Variants in FOLR3 observed in about 807,000 individuals in gnomAD.
FOLR3 encodes folate receptor gamma.
In FOLR3, 9 loss-of-function variants were observed where a neutral mutation model predicts 20.0. The observed-to-expected ratio is 0.45, with a 90% CI of 0.27 to 0.79. FOLR3 has a LOEUF of 0.79. Among genes scored for constraint, FOLR3 ranks in the 30% least tolerant of loss-of-function variants. The pLI is 0.15. For synonymous variants in FOLR3, 124 were observed against 115.5 expected, an observed-to-expected ratio of 1.07 and a Z score of -0.47; for missense variants, 309 against 323.5, an observed-to-expected ratio of 0.96 and a Z score of 0.34.
intron 2 of FOLR3, among the ~76,000 whole-genome samples, chr11:72,136,455 G>A (rs1258679691): frequency 6.6e-6 from 1 of 151,958 alleles, no homozygotes; most frequent in African/African-American, 2.4e-5. Context: ...AGACAGGACA[G>A]CCTGGAAGCC....
chr11:72,138,460 A>T (rs1395147855), intron 2 of FOLR3, among the ~76,000 whole-genome samples: 4 of 152,164 alleles, frequency 2.6e-5, no homozygotes, highest in Non-Finnish European at 4.4e-5. Context: ...GCTCTCCCTC[A>T]TCTCCTATAT....
At chr11:72,136,587 G>A (rs1233832013) in intron 2 of FOLR3, among the ~76,000 whole-genome samples, 2 of 151,692 alleles carry the variant, frequency 1.3e-5, no homozygotes, top group Non-Finnish European at 2.9e-5. Flanking sequence ...ACGGTTCAGT[G>A]GCATTAGGTA....
chr11:72,136,874 G>A (rs551640180), intron 2 of FOLR3, among the ~76,000 whole-genome samples: 1 of 152,298 alleles, frequency 6.6e-6, no homozygotes, highest in Middle Eastern at 3.4e-3. Flanking sequence ...TCTTTTGGAG[G>A]CAACAACCCT....
In FOLR3 at chr11:72,135,906, G is replaced by A. The variant is rs561386407; in HGVS notation, c.-6-41G>A. 2.6e-6 allele frequency: 4 copies of A among 1,560,014 alleles called. No homozygotes were observed. In the East Asian group the frequency reaches 8.9e-5, roughly 35 times the overall value. On this transcript the variant is annotated intron_variant, in intron 1 of 4. Transcript: ENST00000611028. ...ACACAATCACATGGCTGTTGCCCCT[G>A]TCTCAGGCCTTGTCTACCTCTGACT...
chr11:72,135,728 G>A lies in FOLR3; in HGVS notation c.-47G>A, dbSNP rs605241. The A allele has an allele frequency of 1.2e-5, 7 of 587,870 alleles. No homozygotes were observed. The highest frequency in any genetic ancestry group is 5.9e-5 in the Admixed American group (2 of 33,854). 36.4% of individuals were successfully genotyped at this position (587,870 alleles called of 1,614,324 possible). On this transcript the variant is annotated 5_prime_UTR_variant, in exon 1 of 5. Coordinates refer to ENST00000611028, the MANE Select transcript of FOLR3 (RefSeq NM_000804.4). ...GGTCACAGAGCAAGCTGGTGTCAGA[G>A]CCTGGACCTACAGCGCTGTTGGTGG...
rs761434614 is a variant in FOLR3, at chr11:72,136,088, C to T, written c.136C>T (p.Gln46Ter). 1.2e-6 allele frequency: 2 copies of T among 1,614,094 alleles called. No individual in the cohort carries two copies. Among genetic ancestry groups the T allele is most frequent in the East Asian group, 2.2e-5 (1 of 44,892 alleles). Residue 46 changes from glutamine (Q) to a stop codon, truncating the protein, a stop_gained, in exon 2 of 5, where the codon CAG (glutamine) becomes TAG (stop). Transcript: ENST00000611028. LOFTEE classifies it high-confidence loss of function. The part of the protein sequence containing the change: ...VCMNAKHHKT[Q>*]PSPEDELYGQ... ...CATGAACGCCAAGCACCACAAGACACAGCCCAGCCCCGAGGACGAGCTGTA... is the reference window on the plus strand; with the variant it reads ...CATGAACGCCAAGCACCACAAGACATAGCCCAGCCCCGAGGACGAGCTGTA...
chr11:72,139,652 G>A lies in FOLR3; in HGVS notation c.559G>A (p.Ala187Thr), dbSNP rs781187377. 13 of 1,613,406 alleles carry A rather than the reference G, an allele frequency of 8.1e-6. No individual in the cohort carries two copies. The highest frequency in any genetic ancestry group is 6.7e-5 in the Admixed American group (4 of 60,008). Residue 187 changes from alanine to threonine, a missense_variant, in exon 5 of 5, where the codon GCC becomes ACC. Ala to Thr is a moderately conservative substitution (Grantham distance 58, BLOSUM62 0). Coordinates refer to ENST00000611028, the MANE Select transcript of FOLR3 (RefSeq NM_000804.4). ...TFESYFPTPA[A>T]LCEGLWSHSF... ...TGAGTCCTACTTCCCCACTCCAGCCGCCCTTTGTGAAGGCCTCTGGAGCCA... is the reference window on the plus strand; with the variant it reads ...TGAGTCCTACTTCCCCACTCCAGCCACCCTTTGTGAAGGCCTCTGGAGCCA...
Position 72,139,503 on chromosome 11 carries a change from G to A in FOLR3, c.493+21G>A, listed in dbSNP as rs778845777. On this transcript the variant is annotated intron_variant, in intron 4 of 4. Transcript: ENST00000611028. ...CTCAGGTGAGGACCTGAGGAGATAAGATGAGGAGTGGGAGTGGGGCTTTGG... is the reference window on the plus strand; with the variant it reads ...CTCAGGTGAGGACCTGAGGAGATAAAATGAGGAGTGGGAGTGGGGCTTTGG... The A allele has an allele frequency of 1.9e-6, 3 of 1,613,702 alleles. No individual in the cohort carries two copies. The South Asian group carries it at 3.3e-5, about 18-fold the overall frequency.
intron 2 of FOLR3, among the ~76,000 whole-genome samples, chr11:72,136,418 G>A (rs140221734): frequency 1.3e-5 from 2 of 152,112 alleles, no homozygotes; most frequent in Non-Finnish European, 2.9e-5. Flanking sequence ...AGACTGTGGC[G>A]TGGACACAAT....
Position 72,136,042 on chromosome 11 carries a change from G to A in FOLR3, c.90G>A (p.Arg30=). The A allele has an allele frequency of 6.2e-7, 1 of 1,614,012 alleles. No individual in the cohort carries two copies. The highest frequency in any genetic ancestry group is 1.1e-5 in the South Asian group (1 of 91,084). Residue 30 remains arginine (R), a synonymous_variant, in exon 2 of 5, where the codon AGG becomes AGA. Transcript: ENST00000611028. ...GSAQPRSARA[R]TDLLNVCMNA... is the part of the protein sequence containing the mutation. ...CCCAGCCCAGGAGTGCGCGGGCCAG[G>A]ACGGACCTGCTCAATGTCTGCATGA...
chr11:72,139,200 C>T (rs1369947046), intron 3 of FOLR3, 51 bp downstream of exon 3: 1 of 1,575,172 alleles, frequency 6.3e-7, no homozygotes, highest in Non-Finnish European at 8.6e-7. Context: ...GCGGAGCCTG[C>T]CAGTTGCTGG....
At chr11:72,138,353 C>T (rs553315412) in intron 2 of FOLR3, among the ~76,000 whole-genome samples, 12 of 151,744 alleles carry the variant, frequency 7.9e-5, no homozygotes, top group African/African-American at 1.2e-4. Context: ...GCAACAGGAG[C>T]GAAACTCTGT....
At position 72,139,841 on chromosome 11, in the gene FOLR3, G is replaced by T. The variant is rs747599005; in HGVS notation, c.*10G>T. On this transcript the variant is annotated 3_prime_UTR_variant, in exon 5 of 5. Coordinates refer to ENST00000611028, the MANE Select transcript of FOLR3 (RefSeq NM_000804.4). ...GATTATTGATTCCTGATCCAAGAAG[G>T]GTCCTCTGGGGTTCTTCCAACAACC... 6 of 1,612,530 alleles carry T rather than the reference G, an allele frequency of 3.7e-6. No homozygotes were observed. The highest frequency in any genetic ancestry group is 1.7e-5 in the Admixed American group (1 of 59,966).
intron 2 of FOLR3, 45 bp downstream of exon 2, chr11:72,136,165 G>T: frequency 1.2e-6 from 2 of 1,602,792 alleles, no homozygotes; most frequent in Non-Finnish European, 8.5e-7. Flanking sequence ...AGGTCAGAGG[G>T]TGATGGCACG....
chr11:72,139,807 G>A lies in FOLR3; in HGVS notation c.714G>A (p.Pro238=), dbSNP rs746395686. ...CTGCGGCCATGAATGCTGGGGCCCC[G>A]TCTCGTGGGATTATTGATTCCTGAT... ...FYAAAMNAGA[P]SRGIIDS The change falls in exon 5 of 5, where the codon CCG becomes CCA. Residue 238 remains proline (P), a synonymous_variant. Transcript: ENST00000611028. The A allele has an allele frequency of 1.7e-5, 28 of 1,613,900 alleles. No homozygotes were observed. Among genetic ancestry groups the A allele is most frequent in the Middle Eastern group, 1.6e-4 (1 of 6,084 alleles).
At chr11:72,136,169 T>C in intron 2 of FOLR3, 49 bp downstream of exon 2, 1 of 1,600,742 alleles carries the variant, frequency 6.2e-7, no homozygotes, top group Middle Eastern at 1.7e-4. Context: ...CAGAGGGTGA[T>C]GGCACGAGCA....
chr11:72,136,515 G>A (rs1032259734), intron 2 of FOLR3, among the ~76,000 whole-genome samples: 1 of 148,476 alleles, frequency 6.7e-6, no homozygotes, highest in African/African-American at 2.5e-5. Context: ...TTTTTAAATC[G>A]GGGTTAAAAA....
chr11:72,139,013 T>G lies in FOLR3; in HGVS notation c.221T>G (p.Leu74Arg). 6.2e-7 allele frequency: 1 copy of G among 1,613,970 alleles called. No homozygotes were observed. Among genetic ancestry groups the G allele is most frequent in the Non-Finnish European group, 8.5e-7 (1 of 1,179,884 alleles). ...TGCACGGCCAGCACCAGCCAGGAGCTGCACAAGGACACCTCCCGCCTGTAC... is the reference window on the plus strand; with the variant it reads ...TGCACGGCCAGCACCAGCCAGGAGCGGCACAAGGACACCTCCCGCCTGTAC... Reference protein sequence around the residue: ...ACCTASTSQELHKDTSRLYNF... With the variant: ...ACCTASTSQERHKDTSRLYNF... Residue 74 changes from leucine to arginine, a missense_variant, in exon 3 of 5, where the codon CTG becomes CGG. Leu to Arg is a moderately radical substitution (Grantham distance 102). Coordinates refer to ENST00000611028, the MANE Select transcript of FOLR3 (RefSeq NM_000804.4).
At chr11:72,138,850 G>A in intron 2 of FOLR3, 111 bp from the exon 3 acceptor site, 1 of 1,348,958 alleles carries the variant, frequency 7.4e-7, no homozygotes, top group South Asian at 1.3e-5. Flanking sequence ...CTCCTCAAGG[G>A]CCCTCCCCAG....
Sources: gnomAD v4.1 joint callset for allele counts (sites outside exome capture counted in the v4.1 genomes callset) on GRCh38, gnomAD v4.1.1 for gene constraint, MANE v1.5 for transcripts, NCBI Gene and HGNC (gene_info 2026-07-23, HGNC 2026-07-21) for gene names.